Variants in ADAMTS18 observed in about 807,000 individuals in gnomAD.
ADAMTS18 encodes the protein A disintegrin and metalloproteinase with thrombospondin motifs 18.
A neutral mutation model predicts 165.9 loss-of-function variants in ADAMTS18; 157 were observed. The ratio of observed to expected loss-of-function variants is 0.95; its 90% CI spans 0.83 to 1.08. ADAMTS18 has a LOEUF of 1.08. Ranked by LOEUF, ADAMTS18 falls within the 50% of genes least tolerant of loss-of-function variation. The pLI, the probability that ADAMTS18 is intolerant of heterozygous loss-of-function variation, is 0.00. For missense variants in ADAMTS18, 2,040 were observed against 1,534.0 expected (o/e 1.33, Z -5.51); for synonymous variants, 782 against 578.2 (o/e 1.35, Z -5.06).
chr16:77,323,130 A>G (rs2056033386), intron 13 of ADAMTS18, among the ~76,000 whole-genome samples: 2 of 152,094 alleles, frequency 1.3e-5, no homozygotes, highest in African/African-American at 4.8e-5. Flanking sequence ...AAAATTAAAA[A>G]AAAATTATAT....
chr16:77,413,050 A>C (rs2057485489), intron 3 of ADAMTS18, among the ~76,000 whole-genome samples: 1 of 151,868 alleles, frequency 6.6e-6, no homozygotes, highest in Admixed American at 6.6e-5. Context: ...TATATGTATA[A>C]AAAAAAACTT....
rs746650923 is a variant in ADAMTS18, at chr16:77,320,064, C to T, written c.2317G>A (p.Gly773Ser). The T allele has an allele frequency of 6.2e-7, 1 of 1,613,908 alleles. No homozygotes were observed. Among genetic ancestry groups the T allele is most frequent in the Admixed American group, 1.7e-5 (1 of 59,992 alleles). The change falls in exon 16 of 23, where the codon GGC becomes AGC. Residue 773 changes from glycine to serine, a missense_variant. Coordinates refer to ENST00000282849, the MANE Select transcript of ADAMTS18 (RefSeq NM_199355.4). The part of the protein sequence containing the change: ...EYYPVVLIPA[G>S]ARSIEIQELQ... ...TCCTGGATTTCGATGCTTCGGGCGC[C>T]AGCTGGAATGAGGACCACCGGATAA...
intron 13 of ADAMTS18, among the ~76,000 whole-genome samples, chr16:77,322,721 C>G (rs1336972795): frequency 6.6e-6 from 1 of 152,106 alleles, no homozygotes; most frequent in African/African-American, 2.4e-5. Context: ...TCACCATACA[C>G]ATGATCGATG....
intron 7 of ADAMTS18, among the ~76,000 whole-genome samples, chr16:77,361,862 C>A (rs1393254286): frequency 1.3e-5 from 2 of 150,530 alleles, no homozygotes; most frequent in Non-Finnish European, 3.0e-5. Context: ...CCAGCCTGGG[C>A]AACAAGAGTG....
intron 10 of ADAMTS18, among the ~76,000 whole-genome samples, chr16:77,351,373 G>A (rs2144708810): frequency 6.6e-6 from 1 of 152,224 alleles, no homozygotes; most frequent in East Asian, 1.9e-4. Flanking sequence ...ATCAGAATGA[G>A]AAGCTGTCTT....
Position 77,320,079 on chromosome 16 carries a change from C to T in ADAMTS18, c.2302G>A (p.Val768Ile), listed in dbSNP as rs763864874. The T allele has an allele frequency of 1.2e-6, 2 of 1,614,070 alleles. No homozygotes were observed. The highest frequency in any genetic ancestry group is 2.2e-5 in the South Asian group (2 of 91,078). The change falls in exon 16 of 23, where the codon GTC (valine) becomes ATC (isoleucine). Residue 768 changes from valine to isoleucine, a missense_variant. Transcript: ENST00000282849. The part of the protein sequence containing the change: ...QHKANEYYPV[V>I]LIPAGARSIE... Reference sequence around the variant, plus strand: ...CTTCGGGCGCCAGCTGGAATGAGGACCACCGGATAATATTCTAAATGGAAA... The same window carrying T: ...CTTCGGGCGCCAGCTGGAATGAGGATCACCGGATAATATTCTAAATGGAAA...
chr16:77,288,685 T>C (rs763258739), intron 22 of ADAMTS18, among the ~76,000 whole-genome samples: 13 of 152,226 alleles, frequency 8.5e-5, no homozygotes, highest in Non-Finnish European at 1.8e-4. Flanking sequence ...TGGATTATAG[T>C]TGTCTCCTCC....
intron 3 of ADAMTS18, among the ~76,000 whole-genome samples, chr16:77,422,896 T>G (rs1465111954): frequency 6.6e-6 from 1 of 152,192 alleles, no homozygotes; most frequent in Non-Finnish European, 1.5e-5. Flanking sequence ...CATGGTGTGA[T>G]GCATTCCACA....
chr16:77,309,955 AC>A (rs1226720988), intron 16 of ADAMTS18, among the ~76,000 whole-genome samples: 9 of 152,228 alleles, frequency 5.9e-5, no homozygotes, highest in African/African-American at 2.2e-4. Context: ...AAATTTCATT[AC>A]TTTAAATGCT....
intron 3 of ADAMTS18, among the ~76,000 whole-genome samples, chr16:77,428,852 G>C (rs777959341): frequency 1.2e-4 from 19 of 152,086 alleles, no homozygotes; most frequent in Non-Finnish European, 2.6e-4. Flanking sequence ...AAACATTTCA[G>C]ATAAGGAATA....
At chr16:77,427,821 C>A (rs1341372475) in intron 3 of ADAMTS18, among the ~76,000 whole-genome samples, 1 of 152,162 alleles carries the variant, frequency 6.6e-6, no homozygotes, top group Non-Finnish European at 1.5e-5. Context: ...GAAATTATTA[C>A]AAATATTTCA....
chr16:77,295,976 C>G (rs1456536391), intron 18 of ADAMTS18, among the ~76,000 whole-genome samples: 7 of 150,328 alleles, frequency 4.7e-5, no homozygotes, highest in Non-Finnish European at 1.0e-4. Context: ...CAGATTATGA[C>G]AAATGCACTA....
intron 16 of ADAMTS18, among the ~76,000 whole-genome samples, chr16:77,317,717 A>C (rs2055913019): frequency 6.6e-6 from 1 of 152,040 alleles, no homozygotes; most frequent in South Asian, 2.1e-4. Flanking sequence ...CAGAACACAA[A>C]CTCCCACACA....
At chr16:77,406,503 TAAAC>T (rs975028982) in intron 3 of ADAMTS18, among the ~76,000 whole-genome samples, 50 of 152,030 alleles carry the variant, frequency 3.3e-4, no homozygotes, top group Middle Eastern at 6.8e-3. Flanking sequence ...AATAAATAAA[TAAAC>T]AAATAAATCC....
intron 16 of ADAMTS18, among the ~76,000 whole-genome samples, chr16:77,312,345 T>C (rs2055798367): frequency 6.6e-6 from 1 of 151,968 alleles, no homozygotes; most frequent in South Asian, 2.1e-4. Flanking sequence ...CAAGAAATTC[T>C]CCCTGCCTCA....
intron 3 of ADAMTS18, among the ~76,000 whole-genome samples, chr16:77,369,029 A>G (rs1346421162): frequency 6.6e-6 from 1 of 152,232 alleles, no homozygotes. Flanking sequence ...CTGATACCCA[A>G]GACCCTGCTG....
At chr16:77,344,646 C>A (rs2056448913) in intron 10 of ADAMTS18, among the ~76,000 whole-genome samples, 1 of 151,792 alleles carries the variant, frequency 6.6e-6, no homozygotes, top group African/African-American at 2.4e-5. Context: ...GGCCCTAGGG[C>A]AGACCAAAGA....
intron 3 of ADAMTS18, among the ~76,000 whole-genome samples, chr16:77,405,571 G>A (rs2057383547): frequency 6.6e-6 from 1 of 152,166 alleles, no homozygotes; most frequent in Admixed American, 6.5e-5. Context: ...TTTAATAGAT[G>A]GGAGATCTTG....
At chr16:77,321,346 G>T in intron 14 of ADAMTS18, 144 bp from the exon 15 acceptor site, 1 of 1,083,000 alleles carries the variant, frequency 9.2e-7, no homozygotes, top group Non-Finnish European at 1.3e-6. Context: ...GCCTCAAGTT[G>T]GACTCACTTG....
Sources: gnomAD v4.1 joint callset for allele counts (sites outside exome capture counted in the v4.1 genomes callset) on GRCh38, gnomAD v4.1.1 for gene constraint, MANE v1.5 for transcripts, NCBI Gene and HGNC (gene_info 2026-07-23, HGNC 2026-07-21) for gene names.